The following MAP2 variants were observed in gnomAD, a reference collection of about 807,000 sequenced individuals.
The protein encoded by MAP2 is microtubule-associated protein 2.
MAP2 carries 14 observed loss-of-function variants against 137.6 expected under a neutral mutation model. That is an observed-to-expected ratio of 0.10 (90% confidence interval 0.07 to 0.16). MAP2 has a LOEUF of 0.16. Among genes scored for constraint, MAP2 ranks in the 10% least tolerant of loss-of-function variants. The probability of loss-of-function intolerance (pLI) is 1.00; values close to 1 mark genes in which losing one functional copy is unlikely to be tolerated. For missense variants in MAP2, 2,088 were observed against 2,191.5 expected, an observed-to-expected ratio of 0.95 and a Z score of 0.94; for synonymous variants, 786 against 782.3, an observed-to-expected ratio of 1.00 and a Z score of -0.08.
At position 209,723,682 on chromosome 2, in the gene MAP2, G is replaced by A. The variant is rs746721817; in HGVS notation, c.5074-2027G>A. 127 of 1,612,672 alleles carry A rather than the reference G, an allele frequency of 7.9e-5. 1 individual carries two copies. The East Asian group carries it at 1.8e-3, about 23-fold the overall frequency. ...TAACATCAAACATTCGGCTGGGGGC[G>A]GAAATGTAAGTAGAAGCGCCTTTTA... On this transcript the variant is annotated intron_variant, in intron 13 of 15. Transcript: ENST00000682079.
chr2:209,424,726 T>G (rs1428075919), intron 1 of MAP2, among the ~76,000 whole-genome samples: 6 of 152,136 alleles, frequency 3.9e-5, no homozygotes, highest in Non-Finnish European at 5.9e-5. Context: ...AGTGAGTGAG[T>G]GAGGGAAGCC....
intron 5 of MAP2, among the ~76,000 whole-genome samples, chr2:209,677,079 G>A (rs1340434097): frequency 6.6e-6 from 1 of 151,426 alleles, no homozygotes; most frequent in Non-Finnish European, 1.5e-5. Context: ...AATGTTCAGA[G>A]AAACCCCACC....
chr2:209,493,940 C>T (rs936634755), intron 1 of MAP2, among the ~76,000 whole-genome samples: 16 of 152,146 alleles, frequency 1.1e-4, no homozygotes, highest in African/African-American at 3.9e-4. Context: ...TGGGTATATA[C>T]CCAAAGGATT....
At chr2:209,559,064 A>T (rs78111353) in intron 2 of MAP2, among the ~76,000 whole-genome samples, 2,992 of 152,052 alleles carry the variant, frequency 0.02, 96 homozygotes, top group African/African-American at 0.068. Context: ...AGTGATTCTT[A>T]CCTGAGTCTG....
intron 1 of MAP2, among the ~76,000 whole-genome samples, chr2:209,454,366 G>A (rs1023752335): frequency 2.0e-5 from 3 of 151,840 alleles, no homozygotes; most frequent in Non-Finnish European, 2.9e-5. Flanking sequence ...ATGGAGTCTC[G>A]CTCTGTCACC....
chr2:209,629,783 A>G (rs2092785187), intron 4 of MAP2, among the ~76,000 whole-genome samples: 1 of 152,164 alleles, frequency 6.6e-6, no homozygotes, highest in Non-Finnish European at 1.5e-5. Flanking sequence ...GGTTAACTAG[A>G]GACAGAAAGA....
chr2:209,575,518 CAAAAAAA>C (rs71043942), intron 2 of MAP2, among the ~76,000 whole-genome samples: 199 of 28,370 alleles, frequency 7.0e-3, no homozygotes, highest in Non-Finnish European at 0.013. Flanking sequence ...GACTCCATCT[CAAAAAAA>C]AAAAAAAAAA....
At chr2:209,453,445 T>C (rs1700758189) in intron 1 of MAP2, among the ~76,000 whole-genome samples, 1 of 152,152 alleles carries the variant, frequency 6.6e-6, no homozygotes, top group South Asian at 2.1e-4. Context: ...CCACTTAATA[T>C]CAAAGTACTT....
chr2:209,515,206 G>A (rs956299787), intron 2 of MAP2, among the ~76,000 whole-genome samples: 3 of 152,014 alleles, frequency 2.0e-5, no homozygotes, highest in Admixed American at 2.0e-4. Flanking sequence ...TGCATTATAT[G>A]AGTACATCTG....
At position 209,652,717 on chromosome 2, in the gene MAP2, C is replaced by CGTTTTCTCATACTGCAG. The variant is rs1278763271; in HGVS notation, c.-29-424_-29-408dup. On this transcript the variant is annotated intron_variant, in intron 4 of 15. Transcript: ENST00000682079. ...ATTCTTCCTCCCACTTTTTCTAGCC[C>CGTTTTCTCATACTGCAG]GTTTTCTCATACTGCAGATTTTCCC... 3.9e-5 allele frequency among the ~76,000 whole-genome samples: 6 copies of CGTTTTCTCATACTGCAG among 152,208 alleles called. No individual in the cohort carries two copies. The East Asian group carries it at 9.7e-4, about 25-fold the overall frequency.
At chr2:209,647,101 G>A (rs1314308471) in intron 4 of MAP2, among the ~76,000 whole-genome samples, 2 of 152,122 alleles carry the variant, frequency 1.3e-5, no homozygotes, top group African/African-American at 4.8e-5. Context: ...CAGAGCAGGA[G>A]TAAGACAGAG....
chr2:209,605,090 G>GA (rs929243000), intron 3 of MAP2, among the ~76,000 whole-genome samples: 3 of 151,960 alleles, frequency 2.0e-5, no homozygotes, highest in Admixed American at 6.6e-5. Context: ...CATCAGATCT[G>GA]AAAAAAATAT....
chr2:209,472,434 A>C (rs1705990506), intron 1 of MAP2, among the ~76,000 whole-genome samples: 1 of 152,168 alleles, frequency 6.6e-6, no homozygotes, highest in Non-Finnish European at 1.5e-5. Flanking sequence ...TTTCCACCAG[A>C]GTTCTGAAGG....
chr2:209,641,208 C>G (rs2093998265), intron 4 of MAP2, among the ~76,000 whole-genome samples: 2 of 152,036 alleles, frequency 1.3e-5, no homozygotes, highest in Admixed American at 1.3e-4. Flanking sequence ...GCAATTCTAG[C>G]CAATATTCTT....
At chr2:209,654,917 A>G (rs1269135034) in intron 5 of MAP2, among the ~76,000 whole-genome samples, 1 of 152,196 alleles carries the variant, frequency 6.6e-6, no homozygotes, top group Non-Finnish European at 1.5e-5. Flanking sequence ...AACAATTGAA[A>G]AGTCTTACTT....
At chr2:209,562,869 TG>T in intron 2 of MAP2, among the ~76,000 whole-genome samples, 1 of 152,130 alleles carries the variant, frequency 6.6e-6, no homozygotes, top group South Asian at 2.1e-4. Context: ...TTTTAAAAAT[TG>T]GGGGTCATGT....
At chr2:209,619,394 A>C (rs1027126097) in intron 3 of MAP2, among the ~76,000 whole-genome samples, 12 of 152,120 alleles carry the variant, frequency 7.9e-5, no homozygotes, top group African/African-American at 2.9e-4. Context: ...CATGATAAAT[A>C]TATATAATTT....
chr2:209,550,293 A>G (rs2068910038), intron 2 of MAP2, among the ~76,000 whole-genome samples: 2 of 152,210 alleles, frequency 1.3e-5, no homozygotes, highest in Non-Finnish European at 2.9e-5. Flanking sequence ...TGGAAAAATG[A>G]ATATGCAGTG....
chr2:209,614,064 T>C (rs2088068523), intron 3 of MAP2, among the ~76,000 whole-genome samples: 1 of 152,150 alleles, frequency 6.6e-6, no homozygotes, highest in African/African-American at 2.4e-5. Context: ...AGCTTTTCAA[T>C]ACCGTGCAAT....
Sources: gnomAD v4.1 joint callset for allele counts (sites outside exome capture counted in the v4.1 genomes callset) on GRCh38, gnomAD v4.1.1 for gene constraint, MANE v1.5 for transcripts, NCBI Gene and HGNC (gene_info 2026-07-23, HGNC 2026-07-21) for gene names.